The following SLC5A2 variants were observed in gnomAD, a reference collection of about 807,000 sequenced individuals.
The protein encoded by SLC5A2 is sodium/glucose cotransporter 2.
In SLC5A2, 67 loss-of-function variants were observed where a neutral mutation model predicts 69.0. That is an observed-to-expected ratio of 0.97 (90% CI 0.80 to 1.19). SLC5A2 has a LOEUF of 1.19. Ranked by LOEUF, SLC5A2 falls within the 50% of genes most tolerant of loss-of-function variation. SLC5A2 has a pLI of 0.00. For synonymous variants in SLC5A2, 455 were observed against 395.8 expected, an observed-to-expected ratio of 1.15 and a Z score of -1.78; for missense variants, 1,001 against 921.5, an observed-to-expected ratio of 1.09 and a Z score of -1.12.
chr16:31,487,520 T>C lies in SLC5A2; in HGVS notation c.656-10T>C. On this transcript the variant is annotated splice_polypyrimidine_tract_variant and intron_variant, in intron 6 of 13. Coordinates refer to ENST00000330498, the MANE Select transcript of SLC5A2 (RefSeq NM_003041.4). The stretch of plus-strand genomic sequence containing the variant: ...CCTAAGGAGGGTCCCCTGACGGCCT[T>C]GCCCGGCAGCCTTCCACGAGGTGGG... 6.2e-7 allele frequency: 1 copy of C among 1,613,644 alleles called. No individual in the cohort carries two copies. The highest frequency in any genetic ancestry group is 2.2e-5 in the East Asian group (1 of 44,870).
In SLC5A2 at chr16:31,490,625, G is replaced by C. The variant is rs1031681131; in HGVS notation, c.*90G>C. The C allele has an allele frequency of 4.9e-6, 6 of 1,226,960 alleles. No homozygotes were observed. The highest frequency in any genetic ancestry group is 7.0e-6 in the Non-Finnish European group (6 of 852,586). The allele number at this position is 1,226,960 out of a possible 1,614,324, so 76.0% of individuals were successfully genotyped here. A position where few individuals can be genotyped will look rare whatever the true frequency, so the allele number is the denominator to read the frequency against. ...GCTCCCCAGAAAAGGGGAAGGGGCA[G>C]TGGGGTGAGAAGGTCCTGGCTCCCC... On this transcript the variant is annotated 3_prime_UTR_variant, in exon 14 of 14. Coordinates refer to ENST00000330498, the MANE Select transcript of SLC5A2 (RefSeq NM_003041.4).
rs765422376 is a variant in SLC5A2, at chr16:31,484,764, G to A, written c.198+20G>A. The A allele has an allele frequency of 3.1e-6, 5 of 1,610,812 alleles. No homozygotes were observed. In the South Asian group the frequency reaches 4.4e-5, roughly 14 times the overall value. ...TGGCCGGTGAGACGGGCTGGGCCGG[G>A]AACGGGAGGGGCCTGGAGAAGCAGC... On this transcript the variant is annotated intron_variant, in intron 2 of 13. Coordinates refer to ENST00000330498, the MANE Select transcript of SLC5A2 (RefSeq NM_003041.4).
chr16:31,484,333 A>G (rs1476747294), intron 1 of SLC5A2, among the ~76,000 whole-genome samples: 1 of 151,796 alleles, frequency 6.6e-6, no homozygotes, highest in African/African-American at 2.4e-5. Context: ...AGGCATGAGA[A>G]TTGCTTGAAC....
At position 31,489,212 on chromosome 16, in the gene SLC5A2, G is replaced by A. The variant is rs1248328576; in HGVS notation, c.1539G>A (p.Gln513=). The A allele has an allele frequency of 6.2e-7, 1 of 1,610,078 alleles. No individual in the cohort carries two copies. The highest frequency in any genetic ancestry group is 8.5e-7 in the Non-Finnish European group (1 of 1,180,024). ...EFSFGSGSCV[Q]PSACPAFLCG... is the part of the protein sequence containing the mutation. ...CCTTCGGCTCGGGCAGCTGTGTGCA[G>A]CCCTCGGCGTGCCCAGCTTTCCTCT... Residue 513 remains glutamine (Q), a synonymous_variant, in exon 12 of 14, where the codon CAG becomes CAA. Coordinates refer to ENST00000330498, the MANE Select transcript of SLC5A2 (RefSeq NM_003041.4).
rs536143111 is a variant in SLC5A2 at position 31,487,351 on chromosome 16, G to A, written c.606G>A (p.Thr202=). The A allele has an allele frequency of 6.2e-6, 10 of 1,613,884 alleles. No homozygotes were observed. The highest frequency in any genetic ancestry group is 4.0e-5 in the African/African-American group (3 of 75,028). The change falls in exon 6 of 14, where the codon ACG becomes ACA. Residue 202 remains threonine, a synonymous_variant. Transcript: ENST00000330498. ...TGGCCGCGCTGATGTACACGGACAC[G>A]GTACAGACCTTCGTCATTCTGGGGG... The part of the protein sequence containing the change: ...GGLAALMYTD[T]VQTFVILGGA...
intron 5 of SLC5A2, 105 bp from the exon 6 acceptor site, chr16:31,487,215 C>A: frequency 9.1e-7 from 1 of 1,101,420 alleles, no homozygotes; most frequent in Non-Finnish European, 1.4e-6. Context: ...GAAATTTATT[C>A]TCCAGGAAGG....
At chr16:31,484,614 G>A in intron 1 of SLC5A2, 59 bp from the exon 2 acceptor site, 1 of 1,530,406 alleles carries the variant, frequency 6.5e-7, no homozygotes, top group Admixed American at 1.7e-5. Context: ...GTGTTGAGGT[G>A]GCTGATGAGG....
chr16:31,487,623 A>G lies in SLC5A2; in HGVS notation c.749A>G (p.Asn250Ser). 1 of 1,613,688 alleles carries G rather than the reference A, an allele frequency of 6.2e-7. No individual in the cohort carries two copies. ...LTVSEDPAVG[N>S]ISSFCYRPRP... Reference sequence around the variant, plus strand: ...GTGTCCGAGGATCCAGCCGTGGGAAACATCTCCAGCTTCTGCTATCGACCC... The same window carrying G: ...GTGTCCGAGGATCCAGCCGTGGGAAGCATCTCCAGCTTCTGCTATCGACCC... Residue 250 changes from asparagine to serine, a missense_variant, in exon 7 of 14, where the codon AAC becomes AGC. Transcript: ENST00000330498.
chr16:31,487,378 C>G lies in SLC5A2; in HGVS notation c.633C>G (p.Gly211=), dbSNP rs764234388. 3 of 1,613,726 alleles carry G rather than the reference C, an allele frequency of 1.9e-6. No individual in the cohort carries two copies. Among genetic ancestry groups the G allele is most frequent in the African/African-American group, 1.3e-5 (1 of 74,896 alleles). The change falls in exon 6 of 14, where the codon GGC becomes GGG. Residue 211 remains glycine (G), a synonymous_variant. Transcript: ENST00000330498. ...DTVQTFVILG[G]ACILMGYAFH... The stretch of plus-strand genomic sequence containing the variant: ...TACAGACCTTCGTCATTCTGGGGGG[C>G]GCCTGCATCCTCATGGGTTACGGTA...
Position 31,488,477 on chromosome 16 carries a change from G to A in SLC5A2, c.1116G>A (p.Lys372=). ...SNIAYPRLVV[K]LMPNGLRGLM... The stretch of plus-strand genomic sequence containing the variant: ...TCGCCTACCCGCGGCTCGTCGTGAA[G>A]CTCATGCCCAACGGTAAGGGCAGCC... Residue 372 remains lysine (K), a synonymous_variant, in exon 9 of 14, where the codon AAG becomes AAA. Coordinates refer to ENST00000330498, the MANE Select transcript of SLC5A2 (RefSeq NM_003041.4). 7 of 1,609,286 alleles carry A rather than the reference G, an allele frequency of 4.3e-6. No individual in the cohort carries two copies. Among genetic ancestry groups the A allele is most frequent in the Non-Finnish European group, 5.9e-6 (7 of 1,178,974 alleles).
Position 31,484,767 on chromosome 16 carries a change from C to T in SLC5A2, c.198+23C>T, listed in dbSNP as rs200474781. ...CCGGTGAGACGGGCTGGGCCGGGAA[C>T]GGGAGGGGCCTGGAGAAGCAGCCCT... On this transcript the variant is annotated intron_variant, in intron 2 of 13. Transcript: ENST00000330498. The T allele has an allele frequency of 9.9e-4, 1,591 of 1,610,834 alleles. 23 individuals carry two copies. In the South Asian group the frequency reaches 0.016, roughly 16 times the overall value.
rs1243246238 is a variant in SLC5A2, at chr16:31,486,398, CAGG to C, written c.574+126_574+128del. ...GTCTGGAAGGGTGGTGTGGTCCAAGCAGGAGAAGGAACTAAATCTTTGGAGAGC... is the reference window on the plus strand; with the variant it reads ...GTCTGGAAGGGTGGTGTGGTCCAAGCAGAAGGAACTAAATCTTTGGAGAGC... On this transcript the variant is annotated intron_variant, in intron 5 of 13. Coordinates refer to ENST00000330498, the MANE Select transcript of SLC5A2 (RefSeq NM_003041.4). The C allele has an allele frequency of 1.8e-4, 131 of 727,312 alleles. 1 individual carries two copies. The East Asian group carries it at 3.2e-3, about 18-fold the overall frequency. 45.1% of individuals were successfully genotyped at this position (727,312 alleles called of 1,614,324 possible). A position where few individuals can be genotyped will look rare whatever the true frequency, so the allele number is the denominator to read the frequency against.
intron 10 of SLC5A2, 25 bp downstream of exon 10, chr16:31,488,797 C>A: frequency 6.2e-7 from 1 of 1,600,644 alleles, no homozygotes. Context: ...CCCCTCCTCC[C>A]CAACGGATCA....
chr16:31,488,027 C>T lies in SLC5A2; in HGVS notation c.886-11C>T. On this transcript the variant is annotated splice_polypyrimidine_tract_variant and intron_variant, in intron 7 of 13. Coordinates refer to ENST00000330498, the MANE Select transcript of SLC5A2 (RefSeq NM_003041.4). ...GGCCCGCAAGCGGGCAGCTGAACGC[C>T]CCTCCCGTAGGTCATCGTGCAGCGC... The T allele has an allele frequency of 3.1e-6, 5 of 1,612,706 alleles. No individual in the cohort carries two copies. Among genetic ancestry groups the T allele is most frequent in the Non-Finnish European group, 4.2e-6 (5 of 1,179,730 alleles).
chr16:31,489,998 A>G (rs2082547102), intron 12 of SLC5A2, 106 bp from the exon 13 acceptor site: 7 of 1,473,066 alleles, frequency 4.8e-6, no homozygotes, highest in Non-Finnish European at 6.5e-6. Flanking sequence ...TGTAGACTGG[A>G]CAGAGGTGGG....
In SLC5A2 at chr16:31,486,197, A is replaced by G; in HGVS notation, c.496A>G (p.Ile166Val). The change falls in exon 5 of 14, where the codon ATC (isoleucine) becomes GTC (valine). Residue 166 changes from isoleucine to valine, a missense_variant. Physicochemically the swap from Ile to Val is conservative, Grantham distance 29. Transcript: ENST00000330498. ...GGACATGTTCTCCGGAGCTGTATTCATCCAGCAGGCTCTGGGCTGGAACAT... is the reference window on the plus strand; with the variant it reads ...GGACATGTTCTCCGGAGCTGTATTCGTCCAGCAGGCTCTGGGCTGGAACAT... ...SVDMFSGAVF[I>V]QQALGWNIYA... The G allele has an allele frequency of 6.2e-7, 1 of 1,613,776 alleles. No homozygotes were observed. Among genetic ancestry groups the G allele is most frequent in the Non-Finnish European group, 8.5e-7 (1 of 1,179,800 alleles).
intron 8 of SLC5A2, 26 bp downstream of exon 8, chr16:31,488,199 CTGTG>C (rs2082516212): frequency 4.3e-6 from 7 of 1,613,854 alleles, no homozygotes; most frequent in Non-Finnish European, 5.9e-6. Flanking sequence ...CGCCCCTTTC[CTGTG>C]CCAGCAACCG....
chr16:31,488,800 A>G (rs1596620646), intron 10 of SLC5A2, 28 bp downstream of exon 10: 4 of 1,600,526 alleles, frequency 2.5e-6, no homozygotes, highest in Non-Finnish European at 2.5e-6. Context: ...CTCCTCCCCA[A>G]CGGATCAGCC....
chr16:31,483,522 C>T (rs180894402), intron 1 of SLC5A2, among the ~76,000 whole-genome samples: 10 of 152,246 alleles, frequency 6.6e-5, no homozygotes, highest in Non-Finnish European at 1.0e-4. Flanking sequence ...TCTCATTCCC[C>T]TGGCCACATT....
Sources: gnomAD v4.1 joint callset for allele counts (sites outside exome capture counted in the v4.1 genomes callset) on GRCh38, gnomAD v4.1.1 for gene constraint, MANE v1.5 for transcripts, NCBI Gene and HGNC (gene_info 2026-07-23, HGNC 2026-07-21) for gene names.